SGCG: variants seen among roughly 807,000 people sequenced by gnomAD.
The protein encoded by SGCG is gamma-sarcoglycan.
SGCG carries 26 observed loss-of-function variants against 29.3 expected under a neutral mutation model. That is an observed-to-expected ratio of 0.89 (90% CI 0.65 to 1.23). The LOEUF is 1.23. Among genes scored for constraint, SGCG ranks in the 50% most tolerant of loss-of-function variants. SGCG has a pLI of 0.00. For missense variants in SGCG, 353 were observed against 356.0 expected (o/e 0.99, Z 0.07); for synonymous variants, 145 against 129.7 (o/e 1.12, Z -0.80).
chr13:23,188,382 A>G (rs1337266089), intron 1 of SGCG, among the ~76,000 whole-genome samples: 1 of 133,098 alleles, frequency 7.5e-6, no homozygotes, highest in Non-Finnish European at 1.5e-5. Flanking sequence ...CTGGAGTGCA[A>G]TGGAGCGATC....
chr13:23,315,450 C>G (rs1321978723), intron 6 of SGCG, among the ~76,000 whole-genome samples: 1 of 152,170 alleles, frequency 6.6e-6, no homozygotes, highest in Non-Finnish European at 1.5e-5. Flanking sequence ...CTTCTGCCAC[C>G]CTGCCTTCTC....
intron 1 of SGCG, among the ~76,000 whole-genome samples, chr13:23,189,415 A>T (rs566543992): frequency 2.0e-5 from 3 of 152,164 alleles, no homozygotes; most frequent in Non-Finnish European, 4.4e-5. Context: ...GAGCTCAGGG[A>T]ATCCACCTGC....
intron 4 of SGCG, chr13:23,268,013 T>G (rs1244871949): frequency 6.5e-6 from 1 of 152,834 alleles, no homozygotes; most frequent in East Asian, 1.9e-4. Flanking sequence ...TTCCAGCCAT[T>G]ACTTGATTAA....
chr13:23,184,105 G>A (rs994539152), intron 1 of SGCG, among the ~76,000 whole-genome samples: 5 of 152,180 alleles, frequency 3.3e-5, no homozygotes, highest in African/African-American at 1.2e-4. Flanking sequence ...TCAAAGCAAA[G>A]GTGATAATAA....
At chr13:23,164,753 T>C in the SGCG span, among the ~76,000 whole-genome samples, 1 of 152,080 alleles carries the variant, frequency 6.6e-6, no homozygotes, top group African/African-American at 2.4e-5. Flanking sequence ...TTAGAAGCAA[T>C]TCCATAACTC....
intron 3 of SGCG, chr13:23,244,057 CTCTG>C (rs1174581629): frequency 6.6e-6 from 1 of 151,998 alleles, no homozygotes; most frequent in East Asian, 1.9e-4. Flanking sequence ...TTCCCTACCA[CTCTG>C]GAAGATATTT....
chr13:23,205,889 A>AT (rs1050839517), intron 2 of SGCG, among the ~76,000 whole-genome samples: 7 of 152,188 alleles, frequency 4.6e-5, no homozygotes, highest in African/African-American at 1.7e-4. Flanking sequence ...TACCACTAAC[A>AT]TTTATGGAAT....
chr13:23,314,684 A>G (rs1437102002), intron 6 of SGCG, among the ~76,000 whole-genome samples: 1 of 151,918 alleles, frequency 6.6e-6, no homozygotes, highest in Non-Finnish European at 1.5e-5. Flanking sequence ...TATTGGTGAG[A>G]TATTTGTGTG....
At chr13:23,194,582 T>C (rs1316923957) in intron 1 of SGCG, among the ~76,000 whole-genome samples, 2 of 152,156 alleles carry the variant, frequency 1.3e-5, no homozygotes, top group Non-Finnish European at 2.9e-5. Flanking sequence ...TTAGGTCCAT[T>C]AACTTCTGAT....
chr13:23,213,806 G>C (rs1878322932), intron 2 of SGCG, among the ~76,000 whole-genome samples: 1 of 152,118 alleles, frequency 6.6e-6, no homozygotes, highest in Non-Finnish European at 1.5e-5. Context: ...TCATCGAGAG[G>C]CTGGCAGGTG....
chr13:23,233,332 A>T (rs1879180707), intron 2 of SGCG, among the ~76,000 whole-genome samples: 1 of 152,236 alleles, frequency 6.6e-6, no homozygotes, highest in Admixed American at 6.5e-5. Flanking sequence ...TAAATATGAT[A>T]TGATTCCACT....
At chr13:23,162,825 G>A in the SGCG span, among the ~76,000 whole-genome samples, 9 of 151,850 alleles carry the variant, frequency 5.9e-5, no homozygotes, top group Non-Finnish European at 1.0e-4. Context: ...GTAAGACTCC[G>A]TCTCAAAAAT....
chr13:23,234,678 T>C lies in SGCG; in HGVS notation c.263T>C (p.Phe88Ser). The C allele has an allele frequency of 6.2e-7, 1 of 1,610,942 alleles. No individual in the cohort carries two copies. ...LRLEGESEFLFPLYAKEIHSR... is the reference protein window; with the variant it reads ...LRLEGESEFLSPLYAKEIHSR... The stretch of plus-strand genomic sequence containing the variant: ...TTGGAAGGGGAATCAGAATTTTTAT[T>C]CCCATTGTATGCCAAAGAAATACAC... The change falls in exon 3 of 8, where the codon TTC becomes TCC. Residue 88 changes from phenylalanine to serine, a missense_variant. Coordinates refer to ENST00000218867, the MANE Select transcript of SGCG (RefSeq NM_000231.3).
intron 6 of SGCG, among the ~76,000 whole-genome samples, chr13:23,318,466 A>G (rs981622324): frequency 2.7e-5 from 4 of 150,192 alleles, no homozygotes; most frequent in African/African-American, 9.7e-5. Flanking sequence ...ATTTATATAT[A>G]ATATATATTT....
intron 3 of SGCG, among the ~76,000 whole-genome samples, chr13:23,235,143 C>T (rs1241318822): frequency 2.0e-5 from 3 of 151,996 alleles, no homozygotes; most frequent in East Asian, 1.9e-4. Context: ...CTGAGGTGGG[C>T]GGATCACCTG....
chr13:23,280,479 C>T (rs894600235), intron 5 of SGCG, among the ~76,000 whole-genome samples: 2 of 152,160 alleles, frequency 1.3e-5, no homozygotes, highest in African/African-American at 2.4e-5. Context: ...AAGATCATAA[C>T]CTAATGTTGC....
chr13:23,272,330 A>G (rs919381851), intron 4 of SGCG, among the ~76,000 whole-genome samples: 1 of 152,140 alleles, frequency 6.6e-6, no homozygotes, highest in Non-Finnish European at 1.5e-5. Context: ...GCATCCCTCA[A>G]TGCCTATTTT....
chr13:23,235,654 C>T (rs1477698650), intron 3 of SGCG, among the ~76,000 whole-genome samples: 1 of 152,164 alleles, frequency 6.6e-6, no homozygotes, highest in Non-Finnish European at 1.5e-5. Flanking sequence ...TAGGCACGAA[C>T]ATTTTGCTAG....
intron 4 of SGCG, chr13:23,268,765 A>G (rs1880741889): frequency 6.6e-6 from 1 of 152,558 alleles, no homozygotes; most frequent in Non-Finnish European, 1.5e-5. Context: ...GAAGACTTCC[A>G]GAAAATCTAC....
Sources: allele counts gnomAD v4.1 joint callset (sites outside exome capture counted in the v4.1 genomes callset), GRCh38; gene constraint gnomAD v4.1.1; transcripts MANE v1.5; gene names NCBI Gene and HGNC (gene_info 2026-07-23, HGNC 2026-07-21).